Variants in TENM3 observed in about 807,000 individuals in gnomAD.
The protein encoded by TENM3 is teneurin-3.
In TENM3, 63 loss-of-function variants were observed where a neutral mutation model predicts 255.1. That is an observed-to-expected ratio of 0.25 (90% CI 0.20 to 0.30). TENM3 has a LOEUF of 0.30. Ranked by LOEUF, TENM3 falls within the 10% of genes least tolerant of loss-of-function variation. The pLI is 1.00. For missense variants in TENM3, 2,929 were observed against 3,461.1 expected (o/e 0.85, Z 3.86); for synonymous variants, 1,306 against 1,322.3 (o/e 0.99, Z 0.27).
At chr4:182,507,553 C>T (rs17073491) in intron 3 of TENM3, among the ~76,000 whole-genome samples, 11,583 of 152,136 alleles carry the variant, frequency 0.076, 501 homozygotes, top group East Asian at 0.11. Flanking sequence ...TTTCTTAATA[C>T]AGTCTTGTCC....
chr4:181,674,652 GA>G, the TENM3 span, among the ~76,000 whole-genome samples: 1 of 152,002 alleles, frequency 6.6e-6, no homozygotes, highest in South Asian at 2.1e-4. Context: ...TGCAAATTTG[GA>G]AAAACGGACA....
chr4:181,628,904 G>A, the TENM3 span, among the ~76,000 whole-genome samples: 1 of 152,224 alleles, frequency 6.6e-6, no homozygotes, highest in African/African-American at 2.4e-5. Flanking sequence ...GGATGGCATT[G>A]AATCTATAAA....
chr4:182,323,784 G>C (rs1763211763), intron 1 of TENM3, among the ~76,000 whole-genome samples, 162 bp from the exon 2 acceptor site: 1 of 152,148 alleles, frequency 6.6e-6, no homozygotes, highest in Non-Finnish European at 1.5e-5. Flanking sequence ...GTGATACAAT[G>C]TATTTTACAC....
At chr4:182,258,670 G>A (rs1463869396) in intron 1 of TENM3, among the ~76,000 whole-genome samples, 1 of 152,150 alleles carries the variant, frequency 6.6e-6, no homozygotes, top group Admixed American at 6.5e-5. Context: ...ATGTGCTATA[G>A]CCTTTAGTCC....
chr4:181,485,439 G>A, the TENM3 span, among the ~76,000 whole-genome samples: 1 of 151,758 alleles, frequency 6.6e-6, no homozygotes, highest in Non-Finnish European at 1.5e-5. Flanking sequence ...TTCATCACTT[G>A]TCTAATTTAT....
chr4:182,483,051 TC>T (rs1734346270), intron 3 of TENM3, among the ~76,000 whole-genome samples: 1 of 144,348 alleles, frequency 6.9e-6, no homozygotes, highest in African/African-American at 2.5e-5. Flanking sequence ...TGTTTGTTCT[TC>T]AGCTATTTTT....
At chr4:182,382,433 G>A (rs1767637000) in intron 3 of TENM3, among the ~76,000 whole-genome samples, 1 of 151,286 alleles carries the variant, frequency 6.6e-6, no homozygotes, top group South Asian at 2.1e-4. Context: ...TAGCTCAAAT[G>A]AGCAATATCA....
the TENM3 span, among the ~76,000 whole-genome samples, chr4:181,664,374 G>T: frequency 6.6e-6 from 1 of 152,066 alleles, no homozygotes; most frequent in South Asian, 2.1e-4. Flanking sequence ...GGAGGCTGAG[G>T]CAGGAGAATC....
At chr4:182,542,254 A>G (rs1165891701) in intron 3 of TENM3, among the ~76,000 whole-genome samples, 1 of 152,086 alleles carries the variant, frequency 6.6e-6, no homozygotes, top group Non-Finnish European at 1.5e-5. Flanking sequence ...CTCTGAGGTC[A>G]TGTTCATTGG....
the TENM3 span, among the ~76,000 whole-genome samples, chr4:181,908,441 C>G: frequency 2.0e-5 from 3 of 152,162 alleles, no homozygotes; most frequent in African/African-American, 7.2e-5. Flanking sequence ...ATAAATTAAA[C>G]AATAATTTAA....
intron 2 of TENM3, among the ~76,000 whole-genome samples, chr4:182,325,280 C>A (rs1763318386): frequency 2.0e-5 from 3 of 152,146 alleles, no homozygotes. Context: ...TGCAATAAAT[C>A]GTTCAAAAGT....
Position 182,601,008 on chromosome 4 carries a change from C to G in TENM3, c.596C>G (p.Ser199Cys). The G allele has an allele frequency of 6.2e-7, 1 of 1,610,522 alleles. No homozygotes were observed. The part of the protein sequence containing the change: ...HKQHSAQHHP[S>C]ITSLNRNSLT... ...CAGCACTCTGCACAGCATCATCCAT[C>G]CATCACTTCTCTCAACAGAAACTCC... is the stretch of plus-strand genomic sequence containing the variant. Residue 199 changes from serine to cysteine, a missense_variant, in exon 4 of 28, where the codon TCC becomes TGC. This residue lies in a region of TENM3 where 283 missense variants were observed against 256.9 expected (regional missense o/e 1.10). Transcript: ENST00000511685.
chr4:182,449,904 T>C (rs749739021), intron 3 of TENM3, among the ~76,000 whole-genome samples: 34 of 152,330 alleles, frequency 2.2e-4, no homozygotes, highest in South Asian at 6.2e-4. Context: ...TTGATGTGTG[T>C]AGTTCAATAA....
Position 182,512,015 on chromosome 4 carries a change from T to C in TENM3, c.512-88909T>C, listed in dbSNP as rs569630909. Among the ~76,000 whole-genome samples the C allele has an allele frequency of 8.5e-5, 13 of 152,306 alleles. No homozygotes were observed. The South Asian group carries it at 2.3e-3, about 27-fold the overall frequency. ...TACTGTAAGTAGCAAAAGAAGACTCTACCCAGGTAGATCAGACATTCTCAT... is the reference window on the plus strand; with the variant it reads ...TACTGTAAGTAGCAAAAGAAGACTCCACCCAGGTAGATCAGACATTCTCAT... On this transcript the variant is annotated intron_variant, in intron 3 of 27. Coordinates refer to ENST00000511685, the MANE Select transcript of TENM3 (RefSeq NM_001080477.4).
At position 182,713,278 on chromosome 4, in the gene TENM3, T is replaced by C. The variant is rs577314515; in HGVS notation, c.2222-809T>C. ...ACCGTGTTTTTGTTCAGTCTATCAA[T>C]GTTTTATTGTGGTCCTTATGGTATT... On this transcript the variant is annotated intron_variant, in intron 12 of 27. Transcript: ENST00000511685. 4.6e-5 allele frequency among the ~76,000 whole-genome samples: 7 copies of C among 152,364 alleles called. No homozygotes were observed. In the East Asian group the frequency reaches 1.4e-3, roughly 29 times the overall value.
chr4:182,058,945 C>CGTGTGTGGGTGTGTGTGTGTGT, the TENM3 span, among the ~76,000 whole-genome samples: 1 of 139,028 alleles, frequency 7.2e-6, no homozygotes, highest in Non-Finnish European at 1.6e-5. Context: ...AGTCATAGCT[C>CGTGTGTGGGTGTGTGTGTGTGT]GTGTGTGTGT....
chr4:182,047,872 T>A, the TENM3 span, among the ~76,000 whole-genome samples: 18,396 of 152,154 alleles, frequency 0.12, 1,239 homozygotes, highest in Middle Eastern at 0.15. Context: ...AGATACAGTT[T>A]TCCACAGCTG....
chr4:182,105,748 C>T, the TENM3 span, among the ~76,000 whole-genome samples: 49,182 of 152,028 alleles, frequency 0.32, 8,538 homozygotes, highest in East Asian at 0.54. Context: ...CCTTATGTAG[C>T]GGATTGATTG....
the TENM3 span, among the ~76,000 whole-genome samples, chr4:181,646,710 C>T: frequency 6.6e-6 from 1 of 152,128 alleles, no homozygotes; most frequent in Non-Finnish European, 1.5e-5. Flanking sequence ...GGGTTAGGAC[C>T]GAGGCGCGTC....
Sources: allele counts gnomAD v4.1 joint callset (sites outside exome capture counted in the v4.1 genomes callset), GRCh38; gene constraint gnomAD v4.1.1; regional missense constraint gnomAD v4.1.1; transcripts MANE v1.5; gene names NCBI Gene and HGNC (gene_info 2026-07-23, HGNC 2026-07-21).